DOCK4: variants seen among roughly 807,000 people sequenced by gnomAD.
DOCK4 encodes dedicator of cytokinesis protein 4.
A neutral mutation model predicts 268.1 loss-of-function variants in DOCK4; 97 were observed. That is an observed-to-expected ratio of 0.36 (90% CI 0.31 to 0.43). The LOEUF (loss-of-function observed/expected upper bound fraction) is 0.43, where lower values mean the gene tolerates loss of function less well. DOCK4 is among the 20% of genes least tolerant of loss of function. The pLI is 1.00. For missense variants in DOCK4, 2,145 were observed against 2,455.7 expected (o/e 0.87, Z 2.67); for synonymous variants, 954 against 887.2 (o/e 1.08, Z -1.34).
At chr7:111,916,517 G>A (rs1302508373) in intron 12 of DOCK4, among the ~76,000 whole-genome samples, 5 of 151,986 alleles carry the variant, frequency 3.3e-5, no homozygotes, top group African/African-American at 1.2e-4. Flanking sequence ...GCAGAATACA[G>A]GACACCTTGA....
intron 8 of DOCK4, among the ~76,000 whole-genome samples, chr7:111,963,261 A>C (rs1797081133): frequency 6.6e-6 from 1 of 150,916 alleles, no homozygotes; most frequent in Non-Finnish European, 1.5e-5. Flanking sequence ...AGCGACGCAG[A>C]AGACAGGTGA....
At chr7:112,152,348 C>G (rs1334929627) in intron 1 of DOCK4, among the ~76,000 whole-genome samples, 2 of 152,148 alleles carry the variant, frequency 1.3e-5, no homozygotes, top group Non-Finnish European at 2.9e-5. Context: ...TGATTTACTA[C>G]AGATTTTCCA....
intron 35 of DOCK4, among the ~76,000 whole-genome samples, chr7:111,779,969 G>A (rs949319763): frequency 3.3e-5 from 5 of 152,254 alleles, no homozygotes; most frequent in Non-Finnish European, 7.3e-5. Context: ...GTGTGTGGAA[G>A]AAGGGGAAAT....
chr7:112,123,374 TG>T (rs1161692929), intron 1 of DOCK4, among the ~76,000 whole-genome samples: 1 of 152,190 alleles, frequency 6.6e-6, no homozygotes, highest in Non-Finnish European at 1.5e-5. Flanking sequence ...TTTGGGGATA[TG>T]GGTTTCTGAA....
At chr7:112,184,352 G>C (rs1819306089) in intron 1 of DOCK4, among the ~76,000 whole-genome samples, 1 of 152,126 alleles carries the variant, frequency 6.6e-6, no homozygotes, top group East Asian at 1.9e-4. Context: ...GCACCCCTCT[G>C]TATGATCTGC....
chr7:112,027,458 C>CAGG, intron 1 of DOCK4, among the ~76,000 whole-genome samples: 1 of 152,200 alleles, frequency 6.6e-6, no homozygotes. Context: ...CTCCTGACCT[C>CAGG]AGGTGATCCA....
At chr7:111,785,599 C>T (rs1224242543) in intron 32 of DOCK4, among the ~76,000 whole-genome samples, 1 of 152,178 alleles carries the variant, frequency 6.6e-6, no homozygotes, top group East Asian at 1.9e-4. Flanking sequence ...GAGTCTAAAA[C>T]CCAGATCATC....
intron 25 of DOCK4, among the ~76,000 whole-genome samples, chr7:111,841,334 T>C (rs1803677232): frequency 6.6e-6 from 1 of 151,950 alleles, no homozygotes; most frequent in African/African-American, 2.4e-5. Flanking sequence ...CTGGCTAATT[T>C]TTTTGTATTT....
chr7:112,061,807 T>C (rs1806434153), intron 1 of DOCK4, among the ~76,000 whole-genome samples: 3 of 150,042 alleles, frequency 2.0e-5, no homozygotes, highest in South Asian at 2.1e-4. Flanking sequence ...TTTAAAAATG[T>C]CAACAGGTTC....
chr7:112,080,335 A>G lies in DOCK4; in HGVS notation c.38-76204T>C, dbSNP rs539842061. Among the ~76,000 whole-genome samples the G allele has an allele frequency of 1.3e-4, 20 of 152,306 alleles. No individual in the cohort carries two copies. In the East Asian group the frequency reaches 3.7e-3, roughly 28 times the overall value. On this transcript the variant is annotated intron_variant, in intron 1 of 52. Coordinates refer to ENST00000428084, the MANE Select transcript of DOCK4 (RefSeq NM_001363540.2). ...AAATTAAATTTTAACTGGGTATCCTATAATTTATTCGCTAACTTTAGCAAC... is the reference window on the plus strand; with the variant it reads ...AAATTAAATTTTAACTGGGTATCCTGTAATTTATTCGCTAACTTTAGCAAC...
At chr7:111,765,947 A>G (rs1797735298) in intron 38 of DOCK4, among the ~76,000 whole-genome samples, 1 of 152,136 alleles carries the variant, frequency 6.6e-6, no homozygotes, top group Admixed American at 6.5e-5. Context: ...ACAGCACCCC[A>G]AAGAGCAGTT....
chr7:112,102,022 T>C (rs1475386837), intron 1 of DOCK4, among the ~76,000 whole-genome samples: 2 of 152,098 alleles, frequency 1.3e-5, no homozygotes, highest in African/African-American at 2.4e-5. Context: ...TTAGTAGAGA[T>C]GGGGTTTCAC....
intron 1 of DOCK4, among the ~76,000 whole-genome samples, chr7:112,093,801 A>T (rs1593871): frequency 0.49 from 74,545 of 151,208 alleles, 19,048 homozygotes; most frequent in African/African-American, 0.63. Flanking sequence ...AAAATTCTAT[A>T]GAAATATTGA....
At chr7:112,084,321 T>A (rs1808869181) in intron 1 of DOCK4, among the ~76,000 whole-genome samples, 1 of 152,210 alleles carries the variant, frequency 6.6e-6, no homozygotes, top group South Asian at 2.1e-4. Flanking sequence ...CTTAAAACCA[T>A]TACATTTCAG....
intron 17 of DOCK4, among the ~76,000 whole-genome samples, chr7:111,873,925 C>G (rs958947070): frequency 6.6e-6 from 1 of 152,062 alleles, no homozygotes; most frequent in African/African-American, 2.4e-5. Context: ...GTTTTCATAA[C>G]CAAAAACCCT....
intron 1 of DOCK4, among the ~76,000 whole-genome samples, chr7:112,047,547 T>C (rs553016958): frequency 2.6e-5 from 4 of 152,220 alleles, no homozygotes; most frequent in African/African-American, 9.6e-5. Context: ...AGAGATTTTG[T>C]AAAAACTATC....
At chr7:111,777,735 C>A (rs975771679) in intron 36 of DOCK4, among the ~76,000 whole-genome samples, 1 of 152,122 alleles carries the variant, frequency 6.6e-6, no homozygotes, top group Non-Finnish European at 1.5e-5. Flanking sequence ...GGGGGAGGGT[C>A]TTTCCCATGC....
chr7:111,728,469 C>A lies in DOCK4; in HGVS notation c.5733G>T (p.Pro1911=). The change falls in exon 53 of 53, where the codon CCG becomes CCT. Residue 1911 remains proline, a synonymous_variant. Transcript: ENST00000428084. The part of the protein sequence containing the change: ...PVRKESKTPP[P]YSVYERTLRR... ...GCAGAGTCCGCTCGTAGACGCTGTACGGGGGCGGAGTCTTGCTCTCCTTGC... is the reference window on the plus strand; with the variant it reads ...GCAGAGTCCGCTCGTAGACGCTGTAAGGGGGCGGAGTCTTGCTCTCCTTGC... 6.2e-7 allele frequency: 1 copy of A among 1,610,976 alleles called. No homozygotes were observed.
chr7:111,776,014 T>TGTA (rs2133715558), intron 36 of DOCK4, among the ~76,000 whole-genome samples: 1 of 152,308 alleles, frequency 6.6e-6, no homozygotes, highest in Admixed American at 6.5e-5. Context: ...GGTGCACAAG[T>TGTA]GTAGAACAAA....
Sources: gnomAD v4.1 joint callset for allele counts (sites outside exome capture counted in the v4.1 genomes callset) on GRCh38, gnomAD v4.1.1 for gene constraint, MANE v1.5 for transcripts, NCBI Gene and HGNC (gene_info 2026-07-23, HGNC 2026-07-21) for gene names.